The following C1orf198 variants were observed in gnomAD, a reference collection of about 807,000 sequenced individuals.
The protein encoded by C1orf198 is uncharacterized protein C1orf198.
In C1orf198, 17 loss-of-function variants were observed where a neutral mutation model predicts 31.4. The ratio of observed to expected loss-of-function variants is 0.54; its 90% CI spans 0.37 to 0.81. The LOEUF is 0.81. Ranked by LOEUF, C1orf198 falls within the 40% of genes least tolerant of loss-of-function variation. The pLI, the probability that C1orf198 is intolerant of heterozygous loss-of-function variation, is 0.00. For missense variants in C1orf198, 401 were observed against 450.3 expected, an observed-to-expected ratio of 0.89 and a Z score of 0.99; for synonymous variants, 175 against 193.8, an observed-to-expected ratio of 0.90 and a Z score of 0.81.
intron 1 of C1orf198, 61 bp downstream of exon 1, chr1:230,868,119 G>A (rs1199551825): frequency 5.4e-6 from 7 of 1,292,648 alleles, no homozygotes; most frequent in Middle Eastern, 2.9e-4. Context: ...GGTGCCCACC[G>A]GGCCGGGGCG....
In C1orf198 at chr1:230,840,020, T is replaced by C; in HGVS notation, c.928-112A>G. 1 of 876,088 alleles carries C rather than the reference T, an allele frequency of 1.1e-6. No individual in the cohort carries two copies. The highest frequency in any genetic ancestry group is 1.7e-5 in the South Asian group (1 of 58,840). The allele number at this position is 876,088 out of a possible 1,614,324, so 54.3% of individuals were successfully genotyped here. On this transcript the variant is annotated intron_variant, in intron 3 of 3. Transcript: ENST00000366663. This position sits in a 1 kb window ranked among gnomAD's most constrained non-coding sequence, Gnocchi z 4.0. The stretch of plus-strand genomic sequence containing the variant: ...ACCCAGATAAAAGAGCCTACTTCTG[T>C]CTCAGAGGTTCCCTGACCTCAATTT...
chr1:230,860,834 C>A (rs1669989473), intron 1 of C1orf198, among the ~76,000 whole-genome samples: 2 of 152,142 alleles, frequency 1.3e-5, no homozygotes. Context: ...TGAGACTGTA[C>A]TAAATGCCTC....
In C1orf198 at chr1:230,842,499, T is replaced by C. The variant is rs576642379; in HGVS notation, c.927+855A>G. Among the ~76,000 whole-genome samples, 81 of 152,142 alleles carry C rather than the reference T, an allele frequency of 5.3e-4. No individual in the cohort carries two copies. The South Asian group carries it at 5.4e-3, about 10-fold the overall frequency. On this transcript the variant is annotated intron_variant, in intron 3 of 3. Coordinates refer to ENST00000366663, the MANE Select transcript of C1orf198 (RefSeq NM_032800.3). ...AGTGAAGTAACTCAGGAATGGAAAA[T>C]CAAACATCATATGTTCTCACTCATA... is the stretch of plus-strand genomic sequence containing the variant.
At chr1:230,864,547 G>A (rs753077838) in intron 1 of C1orf198, among the ~76,000 whole-genome samples, 4 of 152,198 alleles carry the variant, frequency 2.6e-5, no homozygotes, top group Non-Finnish European at 4.4e-5. Flanking sequence ...AGCTGTTGAA[G>A]AGGGGACAGA....
In C1orf198 at chr1:230,841,607, G is replaced by A. The variant is rs143908157; in HGVS notation, c.928-1699C>T. 6.4e-3 allele frequency among the ~76,000 whole-genome samples: 979 copies of A among 152,298 alleles called. 12 individuals are homozygous for A. The highest frequency in any genetic ancestry group is 0.022 in the African/African-American group (899 of 41,556). On this transcript the variant is annotated intron_variant, in intron 3 of 3. Transcript: ENST00000366663. ...GTGAGACACCACCTCATACCCCTTC[G>A]CATGGCACCAGCAAAGACACAGAAA... is the stretch of plus-strand genomic sequence containing the variant.
At chr1:230,860,572 C>T (rs1237923428) in intron 1 of C1orf198, among the ~76,000 whole-genome samples, 1 of 152,074 alleles carries the variant, frequency 6.6e-6, no homozygotes, top group Non-Finnish European at 1.5e-5. Flanking sequence ...CATGGATGAA[C>T]CTTGAAGACA....
intron 2 of C1orf198, among the ~76,000 whole-genome samples, chr1:230,845,226 A>C (rs962826508): frequency 1.3e-5 from 2 of 150,826 alleles, no homozygotes; most frequent in African/African-American, 4.9e-5. Flanking sequence ...TAAAAAAAAA[A>C]AAAAAAAAGG....
In C1orf198 at chr1:230,838,248, C is replaced by T. The variant is rs1011714224; in HGVS notation, c.*1604G>A. 2.6e-5 allele frequency: 4 copies of T among 152,210 alleles called. No individual in the cohort carries two copies. The highest frequency in any genetic ancestry group is 9.6e-5 in the African/African-American group (4 of 41,456). The allele number at this position is 152,210 out of a possible 1,614,324, so 9.4% of individuals were successfully genotyped here. A position where few individuals can be genotyped will look rare whatever the true frequency, so the allele number is the denominator to read the frequency against. Reference sequence around the variant, plus strand: ...TTTTGCCTCACATATATCAACTATACTTAAATGGTACAGAAAGAACCAATA... The same window carrying T: ...TTTTGCCTCACATATATCAACTATATTTAAATGGTACAGAAAGAACCAATA... On this transcript the variant is annotated 3_prime_UTR_variant, in exon 4 of 4. Coordinates refer to ENST00000366663, the MANE Select transcript of C1orf198 (RefSeq NM_032800.3). The surrounding 1 kb of genome is among the most constrained non-coding windows in gnomAD (Gnocchi z 4.2).
Position 230,841,404 on chromosome 1 carries a change from T to C in C1orf198, c.928-1496A>G, listed in dbSNP as rs149016149. ...GTGTGGAAGTACTGGAAACCTGCTC[T>C]GGGGGACATTCAATGTTATCAGTGA... On this transcript the variant is annotated intron_variant, in intron 3 of 3. Transcript: ENST00000366663. Among the ~76,000 whole-genome samples, 717 of 152,316 alleles carry C rather than the reference T, an allele frequency of 4.7e-3. 8 individuals are homozygous for C. Among genetic ancestry groups the C allele is most frequent in the Middle Eastern group, 0.02 (6 of 294 alleles).
At chr1:230,864,895 A>C (rs941258136) in intron 1 of C1orf198, among the ~76,000 whole-genome samples, 1 of 152,198 alleles carries the variant, frequency 6.6e-6, no homozygotes, top group Non-Finnish European at 1.5e-5. Context: ...CTTGCAGATA[A>C]CAGGAAACAG....
rs529139732 is a variant in C1orf198, at chr1:230,837,930, G to C, written c.*1922C>G. 1 of 152,326 alleles carries C rather than the reference G, an allele frequency of 6.6e-6. No homozygotes were observed. The highest frequency in any genetic ancestry group is 1.5e-5 in the Non-Finnish European group (1 of 68,034). The allele number at this position is 152,326 out of a possible 1,614,324, so 9.4% of individuals were successfully genotyped here. On this transcript the variant is annotated 3_prime_UTR_variant, in exon 4 of 4. Transcript: ENST00000366663. The stretch of plus-strand genomic sequence containing the variant: ...TGTTGAGAAAGTGGGAAAGAAATTA[G>C]AATTTCTCCCAATAGAAGAGGCAGA...
At chr1:230,846,688 C>G (rs148257786) in intron 2 of C1orf198, among the ~76,000 whole-genome samples, 2 of 152,362 alleles carry the variant, frequency 1.3e-5, no homozygotes, top group African/African-American at 2.4e-5. Flanking sequence ...ATGGGCTGGA[C>G]GCGGTGGCTC....
chr1:230,854,840 G>A (rs556268392), intron 2 of C1orf198, among the ~76,000 whole-genome samples: 1 of 152,244 alleles, frequency 6.6e-6, no homozygotes, highest in South Asian at 2.1e-4. Flanking sequence ...CAGCAATGAT[G>A]TGGACAAGTG....
chr1:230,843,273 C>A lies in C1orf198; in HGVS notation c.927+81G>T. ...AAAGAGCATGGGCACCTGTGGCCTG[C>A]CTGCTTTGTGGGGGACCCTCTCGGT... On this transcript the variant is annotated intron_variant, in intron 3 of 3. Transcript: ENST00000366663. The surrounding 1 kb of genome is among the most constrained non-coding windows in gnomAD (Gnocchi z 4.9). 7 of 1,474,084 alleles carry A rather than the reference C, an allele frequency of 4.7e-6. No homozygotes were observed. The highest frequency in any genetic ancestry group is 6.4e-6 in the Non-Finnish European group (7 of 1,098,394). The allele number at this position is 1,474,084 out of a possible 1,614,324, so 91.3% of individuals were successfully genotyped here.
chr1:230,856,979 T>C (rs1202571), intron 1 of C1orf198, among the ~76,000 whole-genome samples: 100,436 of 152,028 alleles, frequency 0.66, 33,469 homozygotes, highest in South Asian at 0.77. Context: ...TCCGCCACCC[T>C]AGCTTAGCCT....
Position 230,868,493 on chromosome 1 carries a change from G to T in C1orf198, c.20C>A (p.Ala7Glu), listed in dbSNP as rs1430722716. ...GACCGCCGAGCGCGAAGCCGCGATC[G>T]CCGCCGCCATGGACGCCATGCCCGG... Reference protein sequence around the residue: MASMAAAIAASRSAVMS... With the variant: MASMAAEIAASRSAVMS... Residue 7 changes from alanine to glutamate, a missense_variant, in exon 1 of 4, where the codon GCG (alanine) becomes GAG (glutamate). Physicochemically the swap from Ala to Glu is moderately radical, Grantham distance 107. Transcript: ENST00000366663. The T allele has an allele frequency of 6.8e-7, 1 of 1,474,182 alleles. No homozygotes were observed. The highest frequency in any genetic ancestry group is 1.8e-4 in the Middle Eastern group (1 of 5,490). The allele number at this position is 1,474,182 out of a possible 1,614,324, so 91.3% of individuals were successfully genotyped here. A position where few individuals can be genotyped will look rare whatever the true frequency, so the allele number is the denominator to read the frequency against.
intron 1 of C1orf198, among the ~76,000 whole-genome samples, chr1:230,863,777 G>C (rs1435597880): frequency 6.6e-6 from 1 of 152,170 alleles, no homozygotes; most frequent in East Asian, 1.9e-4. Flanking sequence ...AATTGAAGCA[G>C]GGCCATCTCA....
rs1670166316 is a variant in C1orf198 at position 230,868,240 on chromosome 1, G to A, written c.273C>T (p.Leu91=). ...APRDPGDSEE[L]TRFPGLRGPT... The stretch of plus-strand genomic sequence containing the variant: ...GCCCGCGCAAGCCGGGGAAGCGCGT[G>A]AGCTCCTCCGAGTCCCCGGGGTCTC... Residue 91 remains leucine (L), a synonymous_variant, in exon 1 of 4, where the codon CTC becomes CTT. Transcript: ENST00000366663. The A allele has an allele frequency of 6.4e-7, 1 of 1,557,012 alleles. No homozygotes were observed. Among genetic ancestry groups the A allele is most frequent in the Non-Finnish European group, 8.7e-7 (1 of 1,153,620 alleles).
intron 3 of C1orf198, among the ~76,000 whole-genome samples, chr1:230,842,047 A>G (rs1669457382): frequency 6.6e-6 from 1 of 152,210 alleles, no homozygotes; most frequent in Admixed American, 6.5e-5. Flanking sequence ...TAAATACTAT[A>G]TGGTGCTACT....
Sources: gnomAD v4.1 joint callset for allele counts (sites outside exome capture counted in the v4.1 genomes callset) on GRCh38, gnomAD v4.1.1 for gene constraint, Gnocchi (gnomAD v3.1) non-coding constraint, MANE v1.5 for transcripts, NCBI Gene and HGNC (gene_info 2026-07-23, HGNC 2026-07-21) for gene names.